The following SNTG2 variants were observed in gnomAD, a reference collection of about 807,000 sequenced individuals.
The protein encoded by SNTG2 is syntrophin gamma 2, also known as gamma-2-syntrophin.
In SNTG2, 74 loss-of-function variants were observed where a neutral mutation model predicts 70.9. That is an observed-to-expected ratio of 1.04 (90% CI 0.86 to 1.27). SNTG2 has a LOEUF of 1.27. Ranked by LOEUF, SNTG2 falls within the 50% of genes most tolerant of loss-of-function variation. The pLI, the probability that SNTG2 is intolerant of heterozygous loss-of-function variation, is 0.00. For synonymous variants in SNTG2, 278 were observed against 273.8 expected, an observed-to-expected ratio of 1.02 and a Z score of -0.15; for missense variants, 717 against 690.7, an observed-to-expected ratio of 1.04 and a Z score of -0.43.
intron 1 of SNTG2, among the ~76,000 whole-genome samples, chr2:1,080,517 T>G (rs1664215263): frequency 6.6e-6 from 1 of 152,164 alleles, no homozygotes. Context: ...TGTGTGTCTG[T>G]GTGCCCGTGT....
chr2:1,249,329 A>G (rs994995844), intron 12 of SNTG2, among the ~76,000 whole-genome samples: 1 of 151,862 alleles, frequency 6.6e-6, no homozygotes, highest in Non-Finnish European at 1.5e-5. Context: ...TTTTTTTCTC[A>G]TTTGAGTCTT....
At chr2:1,239,989 G>A (rs1244333579) in intron 11 of SNTG2, among the ~76,000 whole-genome samples, 1 of 152,192 alleles carries the variant, frequency 6.6e-6, no homozygotes, top group East Asian at 1.9e-4. Flanking sequence ...TGTGGGAATA[G>A]CATAGGTCAT....
At chr2:1,225,917 AT>A (rs1485275976) in intron 9 of SNTG2, among the ~76,000 whole-genome samples, 1 of 152,148 alleles carries the variant, frequency 6.6e-6, no homozygotes, top group Non-Finnish European at 1.5e-5. Flanking sequence ...ACGGAGGCCC[AT>A]TAACACCAGC....
chr2:1,213,991 C>A (rs1478960600), intron 9 of SNTG2, among the ~76,000 whole-genome samples: 2 of 152,224 alleles, frequency 1.3e-5, no homozygotes, highest in East Asian at 3.9e-4. Context: ...CTCTGAACAC[C>A]ATATATGGAA....
rs539516777 is a variant in SNTG2, at chr2:1,136,036, T to G, written c.326-1586T>G. Among the ~76,000 whole-genome samples the G allele has an allele frequency of 3.9e-5, 6 of 152,268 alleles. No homozygotes were observed. In the East Asian group the frequency reaches 1.2e-3, roughly 29 times the overall value. The stretch of plus-strand genomic sequence containing the variant: ...ATTGATTTGGACCTTGTTTTTATCA[T>G]ATGCAATTTTCTGCACTTTTATAGC... On this transcript the variant is annotated intron_variant, in intron 4 of 16. Coordinates refer to ENST00000308624, the MANE Select transcript of SNTG2 (RefSeq NM_018968.4).
At chr2:1,004,559 A>G (rs1659506039) in intron 1 of SNTG2, among the ~76,000 whole-genome samples, 1 of 152,234 alleles carries the variant, frequency 6.6e-6, no homozygotes, top group Non-Finnish European at 1.5e-5. Context: ...TAAGCATATG[A>G]GGATGCTCAA....
intron 1 of SNTG2, among the ~76,000 whole-genome samples, chr2:972,560 T>G (rs1328833808): frequency 6.6e-6 from 1 of 152,204 alleles, no homozygotes; most frequent in Non-Finnish European, 1.5e-5. Context: ...AGTTTGGATC[T>G]GTGTCCCCAC....
intron 9 of SNTG2, among the ~76,000 whole-genome samples, chr2:1,227,141 A>G (rs966107604): frequency 1.9e-4 from 29 of 152,376 alleles, no homozygotes; most frequent in African/African-American, 6.5e-4. Flanking sequence ...CATCACTGAA[A>G]GAGGTTCTGC....
At chr2:1,061,660 T>C (rs1662832981) in intron 1 of SNTG2, among the ~76,000 whole-genome samples, 1 of 152,220 alleles carries the variant, frequency 6.6e-6, no homozygotes, top group South Asian at 2.1e-4. Flanking sequence ...CTCTGTGTCC[T>C]GCTCGTCTCT....
intron 8 of SNTG2, among the ~76,000 whole-genome samples, chr2:1,177,604 C>A (rs900998736): frequency 2.0e-5 from 3 of 151,806 alleles, no homozygotes; most frequent in Non-Finnish European, 4.4e-5. Context: ...GAAATGACAC[C>A]TTTGAAGTAT....
Position 951,046 on chromosome 2 carries a change from G to T in SNTG2, c.50G>T (p.Gly17Val). The T allele has an allele frequency of 1.6e-6, 2 of 1,273,726 alleles. No homozygotes were observed. The highest frequency in any genetic ancestry group is 2.0e-6 in the Non-Finnish European group (2 of 1,012,864). 78.9% of individuals were successfully genotyped at this position (1,273,726 alleles called of 1,614,324 possible). A position where few individuals can be genotyped will look rare whatever the true frequency, so the allele number is the denominator to read the frequency against. ...CCGGCCGCCTCCCGCGGACGCCAGG[G>T]CTGCCTGCTGGTACCTGCGCGGGTG... Reference protein sequence around the residue: ...PPPAASRGRQGCLLVPARTKT... With the variant: ...PPPAASRGRQVCLLVPARTKT... Residue 17 changes from glycine (G) to valine (V), a missense_variant, in exon 1 of 17, where the codon GGC becomes GTC. Physicochemically the swap from Gly to Val is moderately radical, Grantham distance 109. Transcript: ENST00000308624.
At chr2:1,050,013 C>T (rs1337737991) in intron 1 of SNTG2, among the ~76,000 whole-genome samples, 1 of 152,060 alleles carries the variant, frequency 6.6e-6, no homozygotes, top group Non-Finnish European at 1.5e-5. Flanking sequence ...TTTCAGTTGC[C>T]TACTTGGATC....
chr2:1,192,935 G>T (rs984913994), intron 8 of SNTG2, among the ~76,000 whole-genome samples: 1 of 152,196 alleles, frequency 6.6e-6, no homozygotes, highest in Non-Finnish European at 1.5e-5. Flanking sequence ...GTGAGTAGTG[G>T]GTGGAAGAGA....
chr2:1,310,276 G>A (rs987397940), intron 15 of SNTG2, among the ~76,000 whole-genome samples: 1 of 152,154 alleles, frequency 6.6e-6, no homozygotes, highest in Non-Finnish European at 1.5e-5. Flanking sequence ...CCATTGCCTG[G>A]GCCAGCACTC....
At chr2:1,112,796 G>C (rs1666588989) in intron 4 of SNTG2, among the ~76,000 whole-genome samples, 1 of 151,354 alleles carries the variant, frequency 6.6e-6, no homozygotes, top group Non-Finnish European at 1.5e-5. Flanking sequence ...ACTAAGTGAG[G>C]TTTAACCCTT....
At chr2:1,219,104 G>C (rs775592955) in intron 9 of SNTG2, among the ~76,000 whole-genome samples, 1 of 152,094 alleles carries the variant, frequency 6.6e-6, no homozygotes, top group African/African-American at 2.4e-5. Flanking sequence ...CCAACCCCTC[G>C]GTACTGTTGT....
intron 1 of SNTG2, among the ~76,000 whole-genome samples, chr2:1,081,480 T>C (rs1664292520): frequency 6.6e-6 from 1 of 152,186 alleles, no homozygotes; most frequent in Non-Finnish European, 1.5e-5. Flanking sequence ...TTCCTGCCCT[T>C]AGGGATATGT....
At chr2:999,222 T>C (rs1392972094) in intron 1 of SNTG2, among the ~76,000 whole-genome samples, 1 of 152,058 alleles carries the variant, frequency 6.6e-6, no homozygotes, top group Admixed American at 6.6e-5. Flanking sequence ...AAAACAATTA[T>C]GCAAATGAGA....
intron 15 of SNTG2, among the ~76,000 whole-genome samples, chr2:1,314,276 C>T (rs1003438690): frequency 2.6e-5 from 4 of 152,184 alleles, no homozygotes; most frequent in Non-Finnish European, 5.9e-5. Flanking sequence ...GACTGCCTGG[C>T]TTCTCCTGAT....
Sources: allele counts gnomAD v4.1 joint callset (sites outside exome capture counted in the v4.1 genomes callset), GRCh38; gene constraint gnomAD v4.1.1; transcripts MANE v1.5; gene names NCBI Gene and HGNC (gene_info 2026-07-23, HGNC 2026-07-21).